The following ARHGAP6 variants were observed in gnomAD, a reference collection of about 807,000 sequenced individuals.
The protein encoded by ARHGAP6 is Rho GTPase activating protein 6, also known as rho GTPase-activating protein 6.
A neutral mutation model predicts 55.7 loss-of-function variants in ARHGAP6; 16 were observed. The observed-to-expected ratio is 0.29, with a 90% confidence interval of 0.19 to 0.44. The LOEUF is 0.44. Ranked by LOEUF, ARHGAP6 falls within the 20% of genes least tolerant of loss-of-function variation. The pLI is 1.00. For missense variants in ARHGAP6, 698 were observed against 808.9 expected, an observed-to-expected ratio of 0.86 and a Z score of 1.66; for synonymous variants, 382 against 360.9, an observed-to-expected ratio of 1.06 and a Z score of -0.66.
chrX:11,285,792 T>C (rs2047914843), intron 1 of ARHGAP6, among the ~76,000 whole-genome samples: 1 of 112,415 alleles, frequency 8.9e-6, no homozygotes, highest in Admixed American at 9.4e-5. Context: ...ACTTACACAA[T>C]TCTGAAAAGA....
chrX:11,549,918 A>G (rs1241600816), intron 1 of ARHGAP6, among the ~76,000 whole-genome samples: 1 of 112,472 alleles, frequency 8.9e-6, no homozygotes, highest in Non-Finnish European at 1.9e-5. Flanking sequence ...TAATCTGTGA[A>G]GCACACACCA....
At chrX:11,526,599 T>C (rs1399356141) in intron 1 of ARHGAP6, among the ~76,000 whole-genome samples, 9 of 111,731 alleles carry the variant, frequency 8.1e-5, no homozygotes, top group Non-Finnish European at 1.3e-4. Context: ...ATCTCTAAGA[T>C]TTAATTTCTC....
chrX:11,430,878 C>A (rs2147788459), intron 1 of ARHGAP6, among the ~76,000 whole-genome samples: 2 of 112,098 alleles, frequency 1.8e-5, no homozygotes, highest in East Asian at 5.6e-4. Flanking sequence ...AAGTAATTCA[C>A]CATCATCCAC....
chrX:11,332,637 G>T (rs1221401270), intron 1 of ARHGAP6, among the ~76,000 whole-genome samples: 1 of 111,922 alleles, frequency 8.9e-6, no homozygotes, highest in African/African-American at 3.2e-5. Flanking sequence ...ACATTCATTT[G>T]TAAGAAATAA....
chrX:11,458,092 G>A (rs5935070), intron 1 of ARHGAP6, among the ~76,000 whole-genome samples: 34,139 of 110,976 alleles, frequency 0.31, 3,783 homozygotes, highest in Middle Eastern at 0.44. Flanking sequence ...AAATGGAAGG[G>A]AGTCATACTT....
intron 8 of ARHGAP6, among the ~76,000 whole-genome samples, chrX:11,174,030 G>T (rs2046132090): frequency 9.0e-6 from 1 of 111,704 alleles, no homozygotes; most frequent in Non-Finnish European, 1.9e-5. Flanking sequence ...AAAAATATTG[G>T]TTTTTGACCA....
At chrX:11,595,890 T>C (rs2051896202) in intron 1 of ARHGAP6, among the ~76,000 whole-genome samples, 1 of 112,013 alleles carries the variant, frequency 8.9e-6, no homozygotes, top group Non-Finnish European at 1.9e-5. Context: ...TCACACCAGT[T>C]AGAATGGCGA....
intron 1 of ARHGAP6, among the ~76,000 whole-genome samples, chrX:11,344,879 G>A (rs16986437): frequency 0.058 from 6,403 of 110,330 alleles, 208 homozygotes; most frequent in African/African-American, 0.12. Context: ...TTACCTGGGA[G>A]AGAGCTGTAA....
intron 1 of ARHGAP6, among the ~76,000 whole-genome samples, chrX:11,391,868 T>C (rs1451433619): frequency 1.8e-5 from 2 of 111,804 alleles, no homozygotes; most frequent in Admixed American, 1.9e-4. Flanking sequence ...AGATTCTGCA[T>C]TTTGCAATGT....
At chrX:11,141,367 A>G in intron 12 of ARHGAP6, among the ~76,000 whole-genome samples, 1 of 102,301 alleles carries the variant, frequency 9.8e-6, no homozygotes, top group South Asian at 4.1e-4. Context: ...TAATTATGTA[A>G]AAAAAGAAAA....
At chrX:11,336,519 AG>A (rs1308651073) in intron 1 of ARHGAP6, among the ~76,000 whole-genome samples, 1 of 111,932 alleles carries the variant, frequency 8.9e-6, no homozygotes, top group African/African-American at 3.3e-5. Flanking sequence ...AGGAACAAGA[AG>A]GCCTTTGCTC....
intron 1 of ARHGAP6, among the ~76,000 whole-genome samples, chrX:11,366,119 A>G (rs2147701582): frequency 8.9e-6 from 1 of 112,352 alleles, no homozygotes; most frequent in East Asian, 2.8e-4. Context: ...ACCTGCAAAT[A>G]GCATCACACT....
Position 11,311,685 on chromosome X carries a change from C to T in ARHGAP6, c.589-56978G>A, listed in dbSNP as rs1168115572. ...AAGTGTGGAGGAGAAGGCTTCCTGTCTAAGGATAACAAAGCTGCAAATGAA... is the reference window on the plus strand; with the variant it reads ...AAGTGTGGAGGAGAAGGCTTCCTGTTTAAGGATAACAAAGCTGCAAATGAA... On this transcript the variant is annotated intron_variant, in intron 1 of 12. Transcript: ENST00000337414. 4.5e-5 allele frequency among the ~76,000 whole-genome samples: 5 copies of T among 110,214 alleles called. No homozygotes were observed. In the South Asian group the frequency reaches 1.5e-3, roughly 34 times the overall value.
chrX:11,178,041 C>T, intron 8 of ARHGAP6, 59 bp downstream of exon 8: 5 of 1,199,370 alleles, frequency 4.2e-6, no homozygotes, highest in Non-Finnish European at 5.6e-6. Context: ...TGGTGGTATG[C>T]CCTTTTAAAA....
At chrX:11,251,244 G>A (rs920372043) in intron 2 of ARHGAP6, among the ~76,000 whole-genome samples, 2 of 111,280 alleles carry the variant, frequency 1.8e-5, no homozygotes, top group East Asian at 2.8e-4. Context: ...ACGCTGAGAC[G>A]CAATCTGGAG....
intron 1 of ARHGAP6, among the ~76,000 whole-genome samples, chrX:11,512,795 C>A (rs777927453): frequency 9.0e-6 from 1 of 111,554 alleles, no homozygotes; most frequent in Non-Finnish European, 1.9e-5. Flanking sequence ...GAGCCTTCTC[C>A]ATGACCTACA....
At chrX:11,637,265 T>A (rs1333815461) in intron 1 of ARHGAP6, among the ~76,000 whole-genome samples, 23 of 111,084 alleles carry the variant, frequency 2.1e-4, no homozygotes, top group Non-Finnish European at 1.9e-4. Flanking sequence ...TATCATGGTC[T>A]GACTACTGGC....
intron 1 of ARHGAP6, among the ~76,000 whole-genome samples, chrX:11,364,661 G>C (rs1293611070): frequency 8.9e-6 from 1 of 111,832 alleles, no homozygotes; most frequent in Admixed American, 9.5e-5. Flanking sequence ...ATTAAGTTTG[G>C]TTGCATAACT....
At chrX:11,266,687 A>G (rs912884143) in intron 1 of ARHGAP6, among the ~76,000 whole-genome samples, 5 of 111,847 alleles carry the variant, frequency 4.5e-5, no homozygotes, top group Non-Finnish European at 7.5e-5. Context: ...TGCATTCCAC[A>G]TGGCACTGAA....
Sources: allele counts gnomAD v4.1 joint callset (sites outside exome capture counted in the v4.1 genomes callset), GRCh38; gene constraint gnomAD v4.1.1; transcripts MANE v1.5; gene names NCBI Gene and HGNC (gene_info 2026-07-23, HGNC 2026-07-21).